FCGRT: variants seen among roughly 807,000 people sequenced by gnomAD.
FCGRT encodes the protein Fc gamma receptor and transporter, also known as IgG receptor FcRn large subunit p51.
In FCGRT, 13 loss-of-function variants were observed where a neutral mutation model predicts 35.7. That is an observed-to-expected ratio of 0.36 (90% CI 0.24 to 0.58). The LOEUF (loss-of-function observed/expected upper bound fraction) is 0.58. Among genes scored for constraint, FCGRT ranks in the 20% least tolerant of loss-of-function variants. FCGRT has a pLI of 0.77. For synonymous variants in FCGRT, 233 were observed against 216.5 expected (o/e 1.08, Z -0.67); for missense variants, 455 against 474.9 (o/e 0.96, Z 0.39).
chr19:49,525,394 C>T, intron 5 of FCGRT, 63 bp from the exon 6 acceptor site: 2 of 1,240,068 alleles, frequency 1.6e-6, no homozygotes, highest in Non-Finnish European at 2.4e-6. Flanking sequence ...CGCCCCAGTT[C>T]TGTGTCCTGA....
chr19:49,525,206 ACTGGCACAGC>A, intron 5 of FCGRT: 1 of 526,738 alleles, frequency 1.9e-6, no homozygotes, highest in South Asian at 1.9e-5. Context: ...TCCCCACTGC[ACTGGCACAGC>A]CCCGCCTTGC....
intron 4 of FCGRT, among the ~76,000 whole-genome samples, chr19:49,520,455 C>T (rs1479671252): frequency 6.6e-6 from 1 of 151,840 alleles, no homozygotes; most frequent in East Asian, 1.9e-4. Context: ...AAGTGATCCT[C>T]CTGCCTCAGC....
intron 4 of FCGRT, among the ~76,000 whole-genome samples, chr19:49,518,045 C>T (rs1398484115): frequency 2.0e-5 from 3 of 152,070 alleles, no homozygotes; most frequent in East Asian, 1.9e-4. Flanking sequence ...AGGCTGGTCT[C>T]GAACCCTCCA....
chr19:49,520,088 C>T (rs1429782123), intron 4 of FCGRT, among the ~76,000 whole-genome samples: 2 of 150,212 alleles, frequency 1.3e-5, no homozygotes, highest in African/African-American at 4.9e-5. Context: ...GCCTCGGCCT[C>T]CCAAAGTGCT....
intron 4 of FCGRT, among the ~76,000 whole-genome samples, chr19:49,524,226 C>T (rs540619932): frequency 2.6e-5 from 4 of 151,926 alleles, no homozygotes; most frequent in African/African-American, 9.7e-5. Context: ...AGTGTGGTCT[C>T]GAACTCCTGA....
At position 49,514,351 on chromosome 19, in the gene FCGRT, G is replaced by C; in HGVS notation, c.466G>C (p.Glu156Gln). ...KQGTWGGDWP[E>Q]ALAISQRWQQ... ...GGGCACCTGGGGTGGGGACTGGCCC[G>C]AGGCCCTGGCTATCAGTCAGCGGTG... The change falls in exon 4 of 7, where the codon GAG becomes CAG. Residue 156 changes from glutamate to glutamine, a missense_variant. Glu to Gln is a conservative substitution (Grantham distance 29). Coordinates refer to ENST00000221466, the MANE Select transcript of FCGRT (RefSeq NM_001136019.3). The C allele has an allele frequency of 6.2e-7, 1 of 1,613,396 alleles. No individual in the cohort carries two copies. Among genetic ancestry groups the C allele is most frequent in the Non-Finnish European group, 8.5e-7 (1 of 1,179,738 alleles).
chr19:49,525,320 T>G, intron 5 of FCGRT, 137 bp from the exon 6 acceptor site: 1 of 736,820 alleles, frequency 1.4e-6, no homozygotes, highest in South Asian at 1.5e-5. Context: ...ATCGCCTGCC[T>G]GGCCTCGCCT....
intron 5 of FCGRT, chr19:49,525,246 G>C: frequency 1.8e-6 from 1 of 561,230 alleles, no homozygotes. Context: ...TCCATTGCCG[G>C]TGTGACCGCG....
At chr19:49,517,296 G>A (rs1463244068) in intron 4 of FCGRT, among the ~76,000 whole-genome samples, 1 of 152,126 alleles carries the variant, frequency 6.6e-6, no homozygotes, top group Non-Finnish European at 1.5e-5. Context: ...TTTGAGATAA[G>A]CCTGGCCAAC....
chr19:49,519,826 CTT>C (rs57437959), intron 4 of FCGRT, among the ~76,000 whole-genome samples: 16 of 116,854 alleles, frequency 1.4e-4, no homozygotes, highest in Admixed American at 2.7e-4. Context: ...TTGCCTTAAT[CTT>C]TTTTTTTTTT....
chr19:49,525,228 G>A (rs1433681461), intron 5 of FCGRT: 4 of 538,854 alleles, frequency 7.4e-6, no homozygotes, highest in South Asian at 1.9e-5. Context: ...CCGCCTTGCC[G>A]CTGCTGATCC....
In FCGRT at chr19:49,524,520, G is replaced by T. The variant is rs1378221933; in HGVS notation, c.615G>T (p.Met205Ile). ...GNLEWKEPPS[M>I]RLKARPSSPG... ...GATTTCCTGCAGAGCCCCCCTCCAT[G>T]CGCCTGAAGGCCCGACCCAGCAGCC... The change falls in exon 5 of 7, where the codon ATG (methionine) becomes ATT (isoleucine). Residue 205 changes from methionine (M) to isoleucine (I), a missense_variant. Physicochemically the swap from Met to Ile is conservative, Grantham distance 10. Around this residue, in one of 3 missense-constraint regions of FCGRT, gnomAD observed 312 missense variants for 296.1 expected, o/e 1.05. Transcript: ENST00000221466. 4.4e-6 allele frequency: 7 copies of T among 1,606,784 alleles called. No individual in the cohort carries two copies. The highest frequency in any genetic ancestry group is 3.3e-4 in the Middle Eastern group (2 of 6,056).
chr19:49,525,300 G>C, intron 5 of FCGRT, 157 bp from the exon 6 acceptor site: 1 of 686,684 alleles, frequency 1.5e-6, no homozygotes, highest in African/African-American at 1.7e-5. Flanking sequence ...CCTGGGGGCA[G>C]TCTGCCCAGA....
intron 4 of FCGRT, among the ~76,000 whole-genome samples, chr19:49,523,886 T>TA (rs1436557999): frequency 3.3e-5 from 5 of 151,832 alleles, no homozygotes; most frequent in African/African-American, 7.3e-5. Context: ...TTTAAATAGT[T>TA]ATAGGACTAC....
chr19:49,514,118 G>A lies in FCGRT; in HGVS notation c.310G>A (p.Ala104Thr), dbSNP rs1200387144. ...KEKLFLEAFK[A>T]LGGKGPYTLQ... ...GAAGCTCTTTCTGGAAGCTTTCAAA[G>A]CTTTGGGGGGAAAAGGTGAGATTCC... The change falls in exon 3 of 7, where the codon GCT becomes ACT. Residue 104 changes from alanine to threonine, a missense_variant. By Grantham distance (58) the Ala-to-Thr change is moderately conservative (BLOSUM62 0). Transcript: ENST00000221466. 6.2e-7 allele frequency: 1 copy of A among 1,612,812 alleles called. No individual in the cohort carries two copies. The highest frequency in any genetic ancestry group is 8.5e-7 in the Non-Finnish European group (1 of 1,179,876).
Position 49,526,294 on chromosome 19 carries a change from G to GT in FCGRT, c.*179dup, listed in dbSNP as rs548690959. On this transcript the variant is annotated 3_prime_UTR_variant, in exon 7 of 7. Transcript: ENST00000221466. ...GTTTCCCCTCCTAATACATATGGCTGTTTTCCACCTCGATAATATAACACG... is the reference window on the plus strand; with the variant it reads ...GTTTCCCCTCCTAATACATATGGCTGTTTTTCCACCTCGATAATATAACACG... 1.5e-4 allele frequency: 86 copies of GT among 591,290 alleles called. No individual in the cohort carries two copies. Among genetic ancestry groups the GT allele is most frequent in the East Asian group, 1.4e-3 (49 of 35,176 alleles). 36.6% of individuals were successfully genotyped at this position (591,290 alleles called of 1,614,324 possible). A position where few individuals can be genotyped will look rare whatever the true frequency, so the allele number is the denominator to read the frequency against.
chr19:49,524,663 G>C lies in FCGRT; in HGVS notation c.758G>C (p.Ser253Thr). 1 of 1,606,344 alleles carries C rather than the reference G, an allele frequency of 6.2e-7. No individual in the cohort carries two copies. Among genetic ancestry groups the C allele is most frequent in the Non-Finnish European group, 8.5e-7 (1 of 1,180,000 alleles). Residue 253 changes from serine (S) to threonine (T), a missense_variant, in exon 5 of 7, where the codon AGT becomes ACT. Ser to Thr is a moderately conservative substitution (Grantham distance 58). Coordinates refer to ENST00000221466, the MANE Select transcript of FCGRT (RefSeq NM_001136019.3). The stretch of plus-strand genomic sequence containing the variant: ...GGCCAGGGTGACTTCGGCCCCAACA[G>C]TGACGGATCCTTCCACGCCTCGTCG... Reference protein sequence around the residue: ...GTGQGDFGPNSDGSFHASSSL... With the variant: ...GTGQGDFGPNTDGSFHASSSL...
Position 49,513,866 on chromosome 19 carries a change from C to T in FCGRT, c.74-16C>T, listed in dbSNP as rs766757948. On this transcript the variant is annotated splice_polypyrimidine_tract_variant and intron_variant, in intron 2 of 6. Transcript: ENST00000221466. ...CCCCGCCCGTGTGCTCCCTTCAGCTCTGTTTCTGTCTGCAGAAAGCCACCT... is the reference window on the plus strand; with the variant it reads ...CCCCGCCCGTGTGCTCCCTTCAGCTTTGTTTCTGTCTGCAGAAAGCCACCT... 1 of 1,579,672 alleles carries T rather than the reference C, an allele frequency of 6.3e-7. No individual in the cohort carries two copies. Among genetic ancestry groups the T allele is most frequent in the South Asian group, 1.2e-5 (1 of 86,510 alleles).
intron 1 of FCGRT, chr19:49,513,160 G>C (rs2079983301): frequency 3.0e-6 from 1 of 337,032 alleles, no homozygotes; most frequent in African/African-American, 2.1e-5. Flanking sequence ...GCGTGGCGGA[G>C]CTCGGGGCCG....
Sources: allele counts gnomAD v4.1 joint callset (sites outside exome capture counted in the v4.1 genomes callset), GRCh38; gene constraint gnomAD v4.1.1; regional missense constraint gnomAD v4.1.1; transcripts MANE v1.5; gene names NCBI Gene and HGNC (gene_info 2026-07-23, HGNC 2026-07-21).